The following TMPRSS7 variants were observed in gnomAD, a reference collection of about 807,000 sequenced individuals.
The protein encoded by TMPRSS7 is transmembrane serine protease 7.
A neutral mutation model predicts 95.6 loss-of-function variants in TMPRSS7; 81 were observed. That is an observed-to-expected ratio of 0.85 (90% CI 0.71 to 1.02). TMPRSS7 has a LOEUF of 1.02. Among genes scored for constraint, TMPRSS7 ranks in the 50% least tolerant of loss-of-function variants. The pLI is 0.00. For missense variants in TMPRSS7, 945 were observed against 955.2 expected (o/e 0.99, Z 0.14); for synonymous variants, 364 against 337.8 (o/e 1.08, Z -0.85).
rs1166846971 is a variant in TMPRSS7, at chr3:112,050,770, C to T, written c.1190C>T (p.Thr397Ile). 4.4e-6 allele frequency: 7 copies of T among 1,593,020 alleles called. No individual in the cohort carries two copies. In the African/African-American group the frequency reaches 5.4e-5, roughly 12 times the overall value. The change falls in exon 9 of 18, where the codon ACC (threonine) becomes ATC (isoleucine). Residue 397 changes from threonine to isoleucine, a missense_variant. By Grantham distance (89) the Thr-to-Ile change is moderately conservative. Transcript: ENST00000452346. ...TACTATCCTCCAAAATGCAAGTGTA[C>T]CTGGAAATTTCAGGTAGCCTAGTTC...
chr3:112,074,478 T>G (rs1430218537), intron 14 of TMPRSS7, 66 bp downstream of exon 14: 6 of 1,225,768 alleles, frequency 4.9e-6, no homozygotes, highest in Non-Finnish European at 7.0e-6. Context: ...TGTTATATTT[T>G]CATTCCCTTC....
At chr3:112,078,954 C>T in intron 17 of TMPRSS7, 76 bp downstream of exon 17, 1 of 1,533,686 alleles carries the variant, frequency 6.5e-7, no homozygotes. Flanking sequence ...CTACATAACA[C>T]TGGGAAATAA....
intron 13 of TMPRSS7, among the ~76,000 whole-genome samples, chr3:112,067,017 C>A (rs1165531808): frequency 1.3e-5 from 2 of 152,096 alleles, no homozygotes; most frequent in Non-Finnish European, 2.9e-5. Context: ...GTGTGATGTT[C>A]CCCACCCTGT....
At chr3:112,080,936 C>A in exon 18 of TMPRSS7, 1 of 1,613,346 alleles carries the variant, frequency 6.2e-7, no homozygotes, top group Non-Finnish European at 8.5e-7. Context: ...GGACCTTTAT[C>A]TTGTCGAAGA....
At position 112,043,949 on chromosome 3, in the gene TMPRSS7, C is replaced by T. The variant is rs555602662; in HGVS notation, c.430-306C>T. Among the ~76,000 whole-genome samples the T allele has an allele frequency of 1.4e-4, 22 of 152,270 alleles. No homozygotes were observed. In the South Asian group the frequency reaches 4.6e-3, roughly 32 times the overall value. On this transcript the variant is annotated intron_variant, in intron 3 of 17. Coordinates refer to ENST00000452346, the Ensembl canonical transcript of TMPRSS7. ...TACTTAAATGAGTTTGATTTGTTAA[C>T]TGTGGGGAAAATTAACCTTTGCAGT...
intron 13 of TMPRSS7, 111 bp downstream of exon 13, chr3:112,066,613 C>A: frequency 2.1e-6 from 2 of 938,172 alleles, no homozygotes; most frequent in South Asian, 1.5e-5. Context: ...GTCCCAGGTT[C>A]TCTGGAACTT....
chr3:112,049,921 A>G (rs773564232), exon 8 of TMPRSS7: 1 of 1,570,576 alleles, frequency 6.4e-7, no homozygotes, highest in Non-Finnish European at 8.7e-7. Context: ...AAGTCTCCTC[A>G]TATACGGAGG....
intron 8 of TMPRSS7, 49 bp downstream of exon 8, chr3:112,050,023 T>C (rs1211129423): frequency 6.7e-7 from 1 of 1,491,388 alleles, no homozygotes; most frequent in African/African-American, 1.4e-5. Context: ...ATATTTGTAA[T>C]GATAGGCTAT....
chr3:112,060,298 A>G (rs1188832907), intron 10 of TMPRSS7, among the ~76,000 whole-genome samples: 1 of 152,210 alleles, frequency 6.6e-6, no homozygotes, highest in Non-Finnish European at 1.5e-5. Context: ...GTCATTGATA[A>G]CATCTTATCA....
At chr3:112,066,884 G>T (rs933847644) in intron 13 of TMPRSS7, among the ~76,000 whole-genome samples, 1 of 151,978 alleles carries the variant, frequency 6.6e-6, no homozygotes, top group Non-Finnish European at 1.5e-5. Context: ...CAACGTGCAG[G>T]TTTGTTACAT....
exon 7 of TMPRSS7, chr3:112,047,836 G>A (rs756729508): frequency 6.2e-7 from 1 of 1,614,134 alleles, no homozygotes; most frequent in East Asian, 2.2e-5. Context: ...GTCACTTCAA[G>A]CTGGTGGCCA....
At chr3:112,063,534 T>G (rs778958794) in exon 12 of TMPRSS7, 1 of 1,614,050 alleles carries the variant, frequency 6.2e-7, no homozygotes, top group South Asian at 1.1e-5. Flanking sequence ...GCCTGCCCTG[T>G]TGGATCTTTT....
At chr3:112,076,643 T>C (rs903317677) in intron 15 of TMPRSS7, among the ~76,000 whole-genome samples, 1 of 152,216 alleles carries the variant, frequency 6.6e-6, no homozygotes, top group Non-Finnish European at 1.5e-5. Context: ...GAGTGAATTT[T>C]CTATTACTTG....
chr3:112,080,674 T>C (rs2073768501), intron 17 of TMPRSS7, among the ~76,000 whole-genome samples: 1 of 152,202 alleles, frequency 6.6e-6, no homozygotes, highest in Non-Finnish European at 1.5e-5. Flanking sequence ...TCCAGTGTTA[T>C]TCTTAGCCTA....
Position 112,071,735 on chromosome 3 carries a change from A to C in TMPRSS7, c.1667-2561A>C, listed in dbSNP as rs111760016. 4.1e-3 allele frequency among the ~76,000 whole-genome samples: 631 copies of C among 152,234 alleles called. 5 individuals carry two copies. The highest frequency in any genetic ancestry group is 0.014 in the African/African-American group (583 of 41,532). ...TGATACCCTTTCTTCCACTTGATGG[A>C]ATCAGCTACTGAAGCTTGTGCATGT... On this transcript the variant is annotated intron_variant, in intron 13 of 17. Transcript: ENST00000452346.
Position 112,045,619 on chromosome 3 carries a change from A to T in TMPRSS7, c.498-131A>T. The T allele has an allele frequency of 1.3e-5, 10 of 785,672 alleles. No homozygotes were observed. In the South Asian group the frequency reaches 1.9e-4, roughly 15 times the overall value. The allele number at this position is 785,672 out of a possible 1,614,324, so 48.7% of individuals were successfully genotyped here. On this transcript the variant is annotated intron_variant, in intron 4 of 17. Transcript: ENST00000452346. ...CCAATCTTCATAACAGACGTCAATG[A>T]CTACCTAAAGAAGGGAGCTAGCTTC...
intron 13 of TMPRSS7, among the ~76,000 whole-genome samples, chr3:112,068,025 A>G (rs149757947): frequency 6.6e-6 from 1 of 152,192 alleles, no homozygotes; most frequent in Non-Finnish European, 1.5e-5. Context: ...TAAGGAAGGG[A>G]TCCACTTTCA....
intron 1 of TMPRSS7, among the ~76,000 whole-genome samples, chr3:112,037,229 T>C (rs1479299130): frequency 1.3e-5 from 2 of 152,206 alleles, no homozygotes; most frequent in Non-Finnish European, 2.9e-5. Flanking sequence ...TATCGCTAAA[T>C]TCTTTCCCCA....
At chr3:112,071,840 C>T (rs996695921) in intron 13 of TMPRSS7, among the ~76,000 whole-genome samples, 5 of 152,264 alleles carry the variant, frequency 3.3e-5, no homozygotes, top group African/African-American at 9.6e-5. Flanking sequence ...TCTAGTTAGC[C>T]ATTTGTCTAA....
Sources: gnomAD v4.1 joint callset for allele counts (sites outside exome capture counted in the v4.1 genomes callset) on GRCh38, gnomAD v4.1.1 for gene constraint, MANE v1.5 for transcripts, NCBI Gene and HGNC (gene_info 2026-07-23, HGNC 2026-07-21) for gene names.